Variants in CDH8 observed in about 807,000 individuals in gnomAD.
CDH8 encodes cadherin 8.
Under a neutral mutation model 68.1 loss-of-function variants are expected in CDH8, and 17 were observed. That is an observed-to-expected ratio of 0.25 (90% CI 0.17 to 0.37). The LOEUF (loss-of-function observed/expected upper bound fraction) is 0.37, where lower values mean the gene tolerates loss of function less well. Among genes scored for constraint, CDH8 ranks in the 10% least tolerant of loss-of-function variants. The pLI is 1.00. For synonymous variants in CDH8, 372 were observed against 365.1 expected (o/e 1.02, Z -0.21); for missense variants, 763 against 999.3 (o/e 0.76, Z 3.19).
chr16:61,857,268 T>C (rs1380437041), intron 3 of CDH8, 30 bp from the exon 4 acceptor site: 5 of 1,589,948 alleles, frequency 3.1e-6, no homozygotes, highest in African/African-American at 1.4e-5. Flanking sequence ...AAAAAGATAA[T>C]AATTAACACA....
chr16:61,897,450 A>G (rs1963887402), intron 3 of CDH8, among the ~76,000 whole-genome samples: 1 of 152,144 alleles, frequency 6.6e-6, no homozygotes, highest in Non-Finnish European at 1.5e-5. Flanking sequence ...ACAGGATTTC[A>G]CCATGTTGGC....
intron 7 of CDH8, among the ~76,000 whole-genome samples, chr16:61,790,335 A>G (rs1163701721): frequency 6.6e-6 from 1 of 152,046 alleles, no homozygotes; most frequent in African/African-American, 2.4e-5. Context: ...TATCTTTTTT[A>G]TACACCAAGA....
chr16:61,801,046 A>C (rs545752445), intron 7 of CDH8, among the ~76,000 whole-genome samples: 1 of 152,164 alleles, frequency 6.6e-6, no homozygotes, highest in East Asian at 1.9e-4. Flanking sequence ...TGTTTCTCTC[A>C]GAATATAAGC....
chr16:61,751,894 T>A (rs551074682), intron 8 of CDH8, among the ~76,000 whole-genome samples: 1 of 152,214 alleles, frequency 6.6e-6, no homozygotes, highest in East Asian at 1.9e-4. Flanking sequence ...TCAAGCCAAA[T>A]AATATTGTTA....
At chr16:62,016,412 C>T (rs980710995) in intron 2 of CDH8, among the ~76,000 whole-genome samples, 4 of 152,176 alleles carry the variant, frequency 2.6e-5, no homozygotes, top group Admixed American at 6.6e-5. Flanking sequence ...TATCAATCAC[C>T]GTCCTGACTT....
At chr16:61,864,517 T>C (rs777696385) in intron 3 of CDH8, among the ~76,000 whole-genome samples, 1 of 152,188 alleles carries the variant, frequency 6.6e-6, no homozygotes. Context: ...TTCATTTCTC[T>C]TGAAGGGCCT....
chr16:62,025,790 T>G (rs2150617592), intron 1 of CDH8, among the ~76,000 whole-genome samples: 1 of 152,150 alleles, frequency 6.6e-6, no homozygotes, highest in Admixed American at 6.5e-5. Flanking sequence ...TAGCAAACAC[T>G]TAGGAAGTAC....
chr16:61,825,009 TACTC>T lies in CDH8; in HGVS notation c.834_835+2del. 1 of 1,609,014 alleles carries T rather than the reference TACTC, an allele frequency of 6.2e-7. No homozygotes were observed. Among genetic ancestry groups the T allele is most frequent in the Non-Finnish European group, 8.5e-7 (1 of 1,176,432 alleles). ...TCTCATCCAGTGCAGGAAATTAACT[TACTC>T]TGTGCAAATTTTGGAGGATTGTCAT... On this transcript the variant is annotated splice_donor_variant and coding_sequence_variant, in exon 5 of 12. Transcript: ENST00000577390. LOFTEE classifies it high-confidence loss of function.
chr16:62,029,260 A>G (rs999967902), intron 1 of CDH8, among the ~76,000 whole-genome samples: 1 of 152,194 alleles, frequency 6.6e-6, no homozygotes, highest in African/African-American at 2.4e-5. Flanking sequence ...AACCGAAAAT[A>G]TTTACTGATT....
intron 3 of CDH8, among the ~76,000 whole-genome samples, chr16:61,881,234 C>A: frequency 6.6e-6 from 1 of 152,118 alleles, no homozygotes; most frequent in East Asian, 1.9e-4. Context: ...TGCTACACAG[C>A]AATAAACAAC....
intron 3 of CDH8, among the ~76,000 whole-genome samples, chr16:61,858,688 C>T (rs1401463525): frequency 6.6e-6 from 1 of 152,122 alleles, no homozygotes; most frequent in African/African-American, 2.4e-5. Flanking sequence ...AAGGACAAAA[C>T]TGGACAGAAG....
At chr16:61,970,801 C>T (rs1965324988) in intron 2 of CDH8, among the ~76,000 whole-genome samples, 1 of 152,230 alleles carries the variant, frequency 6.6e-6, no homozygotes, top group Non-Finnish European at 1.5e-5. Context: ...GGCCTCTGAG[C>T]CCAAGCCAAG....
At chr16:61,965,523 A>G (rs917940190) in intron 2 of CDH8, among the ~76,000 whole-genome samples, 2 of 152,148 alleles carry the variant, frequency 1.3e-5, no homozygotes, top group Non-Finnish European at 2.9e-5. Flanking sequence ...TAACAACCCA[A>G]CTTTCTGTAA....
chr16:61,851,641 G>A (rs965712815), intron 4 of CDH8, among the ~76,000 whole-genome samples: 2 of 150,700 alleles, frequency 1.3e-5, no homozygotes, highest in African/African-American at 4.8e-5. Context: ...GGTATTGGGG[G>A]TGGCAGGGAG....
At chr16:61,832,760 C>T (rs1962488525) in intron 4 of CDH8, among the ~76,000 whole-genome samples, 1 of 151,446 alleles carries the variant, frequency 6.6e-6, no homozygotes. Flanking sequence ...CAATATTAAG[C>T]AGACATTAAA....
intron 2 of CDH8, among the ~76,000 whole-genome samples, chr16:61,925,516 T>C (rs1262781230): frequency 6.6e-6 from 1 of 152,212 alleles, no homozygotes; most frequent in Non-Finnish European, 1.5e-5. Flanking sequence ...AGATGTGACT[T>C]TGATGACTTT....
intron 10 of CDH8, among the ~76,000 whole-genome samples, chr16:61,676,367 AG>A (rs1470369449): frequency 6.6e-6 from 1 of 151,946 alleles, no homozygotes; most frequent in Non-Finnish European, 1.5e-5. Flanking sequence ...AGTGATAAAG[AG>A]GGCCATCATA....
At chr16:61,845,652 T>C (rs1424962269) in intron 4 of CDH8, among the ~76,000 whole-genome samples, 2 of 152,102 alleles carry the variant, frequency 1.3e-5, no homozygotes, top group East Asian at 3.9e-4. Flanking sequence ...GCCTAGCTCA[T>C]AATAAAACTA....
intron 2 of CDH8, among the ~76,000 whole-genome samples, chr16:61,992,650 AT>A (rs56276048): frequency 0.62 from 93,597 of 151,944 alleles, 29,152 homozygotes; most frequent in East Asian, 0.76. Flanking sequence ...AAGAAATTAA[AT>A]TCCCTTGGAT....
Sources: gnomAD v4.1 joint callset for allele counts (sites outside exome capture counted in the v4.1 genomes callset) on GRCh38, gnomAD v4.1.1 for gene constraint, MANE v1.5 for transcripts, NCBI Gene and HGNC (gene_info 2026-07-23, HGNC 2026-07-21) for gene names.